Variants in VSNL1 observed in about 807,000 individuals in gnomAD.
VSNL1 encodes visinin-like protein 1.
A neutral mutation model predicts 20.4 loss-of-function variants in VSNL1; 6 were observed. The observed-to-expected ratio is 0.29, with a 90% confidence interval of 0.16 to 0.58. VSNL1 has a LOEUF of 0.58. Ranked by LOEUF, VSNL1 falls within the 20% of genes least tolerant of loss-of-function variation. The pLI is 0.90. For synonymous variants in VSNL1, 93 were observed against 86.4 expected (o/e 1.08, Z -0.42); for missense variants, 100 against 234.5 (o/e 0.43, Z 3.75).
intron 3 of VSNL1, among the ~76,000 whole-genome samples, chr2:17,653,187 G>A (rs1026505469): frequency 3.3e-5 from 5 of 152,236 alleles, no homozygotes; most frequent in African/African-American, 1.2e-4. Context: ...ATCTGAAACG[G>A]CCCTTCTTGG....
rs574590367 is a variant in VSNL1, at chr2:17,563,678, C to T, written c.-6+22760C>T. On this transcript the variant is annotated intron_variant, in intron 1 of 3. Coordinates refer to ENST00000295156, the MANE Select transcript of VSNL1 (RefSeq NM_003385.5). ...TCAGGAGGCGGAGGTTGCAGTGAGC[C>T]GAGATCGCACCACTGCACTCCAGCC... 5.1e-4 allele frequency among the ~76,000 whole-genome samples: 78 copies of T among 151,914 alleles called. 1 individual carries two copies. The highest frequency in any genetic ancestry group is 1.7e-3 in the African/African-American group (71 of 41,428).
chr2:17,626,171 C>T (rs1219274292), intron 2 of VSNL1, among the ~76,000 whole-genome samples: 1 of 152,150 alleles, frequency 6.6e-6, no homozygotes, highest in Non-Finnish European at 1.5e-5. Flanking sequence ...TGAGGGCTAG[C>T]CATGACCCCA....
chr2:17,561,573 G>T (rs1001673643), intron 1 of VSNL1, among the ~76,000 whole-genome samples: 7 of 152,196 alleles, frequency 4.6e-5, no homozygotes, highest in Admixed American at 4.6e-4. Context: ...GAAAGGAAGT[G>T]ATTTGATCGG....
Position 17,655,133 on chromosome 2 carries a change from CAAG to C in VSNL1, c.379-59_379-57del, listed in dbSNP as rs555274109. 278 of 1,537,798 alleles carry C rather than the reference CAAG, an allele frequency of 1.8e-4. No homozygotes were observed. Among genetic ancestry groups the C allele is most frequent in the Non-Finnish European group, 2.4e-4 (265 of 1,120,810 alleles). On this transcript the variant is annotated intron_variant, in intron 3 of 3. Coordinates refer to ENST00000295156, the MANE Select transcript of VSNL1 (RefSeq NM_003385.5). This position sits in a 1 kb window ranked among gnomAD's most constrained non-coding sequence, Gnocchi z 5.2. ...GGGATCCCGTCAGGTGAAAGGGAGG[CAAG>C]AAGAGCTCTCTGTCCTCCTGGGTTT...
At chr2:17,639,678 T>G (rs765984542) in intron 2 of VSNL1, among the ~76,000 whole-genome samples, 3 of 152,202 alleles carry the variant, frequency 2.0e-5, no homozygotes, top group Admixed American at 6.5e-5. Context: ...ACAACAATAA[T>G]AATAGCATCT....
chr2:17,583,853 T>C (rs558597988), intron 1 of VSNL1, among the ~76,000 whole-genome samples: 88 of 152,314 alleles, frequency 5.8e-4, no homozygotes, highest in African/African-American at 2.1e-3. Flanking sequence ...GTATTGAGGT[T>C]AGGATGACTC....
chr2:17,619,156 C>CGAAAAGAA (rs1344244248), intron 2 of VSNL1, among the ~76,000 whole-genome samples: 24 of 152,336 alleles, frequency 1.6e-4, no homozygotes, highest in African/African-American at 5.5e-4. Context: ...AGGATACCAC[C>CGAAAAGAA]AGTGCCCAAA....
chr2:17,575,889 A>C (rs1664201435), intron 1 of VSNL1, among the ~76,000 whole-genome samples: 1 of 152,232 alleles, frequency 6.6e-6, no homozygotes, highest in Admixed American at 6.5e-5. Context: ...AGTTAATATG[A>C]TAACCTATAA....
chr2:17,618,773 G>T (rs1328832761), intron 2 of VSNL1, among the ~76,000 whole-genome samples: 1 of 152,146 alleles, frequency 6.6e-6, no homozygotes, highest in African/African-American at 2.4e-5. Context: ...AGCTCTACAA[G>T]GATGCCTTAA....
intron 1 of VSNL1, among the ~76,000 whole-genome samples, chr2:17,555,835 T>C (rs1396392988): frequency 1.3e-5 from 2 of 152,152 alleles, no homozygotes; most frequent in Non-Finnish European, 2.9e-5. Context: ...CTCTTAACCA[T>C]AGGATTTTTT....
intron 1 of VSNL1, among the ~76,000 whole-genome samples, chr2:17,557,507 T>C (rs541993467): frequency 1.3e-5 from 2 of 152,280 alleles, no homozygotes; most frequent in South Asian, 4.1e-4. Context: ...ATAGTAATGC[T>C]GTAAGAAAGT....
chr2:17,547,040 T>C (rs1172675223), intron 1 of VSNL1, among the ~76,000 whole-genome samples: 1 of 152,062 alleles, frequency 6.6e-6, no homozygotes, highest in Non-Finnish European at 1.5e-5. Context: ...CACTAAACTA[T>C]TAGTCTTTCC....
chr2:17,589,564 C>A (rs1664552501), intron 1 of VSNL1, among the ~76,000 whole-genome samples: 1 of 152,176 alleles, frequency 6.6e-6, no homozygotes, highest in Admixed American at 6.5e-5. Context: ...GTGATTCAAC[C>A]ATTGCCCAAC....
At chr2:17,579,975 G>C (rs1305360364) in intron 1 of VSNL1, among the ~76,000 whole-genome samples, 1 of 152,106 alleles carries the variant, frequency 6.6e-6, no homozygotes, top group Admixed American at 6.5e-5. Flanking sequence ...AGTTGTGATC[G>C]GGAGACACAG....
intron 2 of VSNL1, among the ~76,000 whole-genome samples, chr2:17,631,134 A>G (rs1399912230): frequency 1.3e-5 from 2 of 152,304 alleles, no homozygotes; most frequent in East Asian, 3.9e-4. Flanking sequence ...TAAATCTTAT[A>G]ACAATTGTCT....
At chr2:17,600,185 A>G (rs1664792777) in intron 2 of VSNL1, among the ~76,000 whole-genome samples, 1 of 152,208 alleles carries the variant, frequency 6.6e-6, no homozygotes, top group Admixed American at 6.5e-5. Flanking sequence ...CAGTGTGAAT[A>G]TGGGAAAGTC....
intron 1 of VSNL1, among the ~76,000 whole-genome samples, chr2:17,574,883 C>T (rs1380311534): frequency 1.3e-5 from 2 of 152,218 alleles, no homozygotes; most frequent in Non-Finnish European, 2.9e-5. Flanking sequence ...CCTCCTTCCT[C>T]AGCCTCCCAA....
At chr2:17,647,076 C>T (rs144599720) in intron 2 of VSNL1, among the ~76,000 whole-genome samples, 1 of 152,296 alleles carries the variant, frequency 6.6e-6, no homozygotes, top group African/African-American at 2.4e-5. Flanking sequence ...AGTATATAGA[C>T]CTTCTGCAAG....
intron 1 of VSNL1, among the ~76,000 whole-genome samples, chr2:17,555,441 T>C (rs1367033038): frequency 2.0e-5 from 3 of 152,182 alleles, no homozygotes; most frequent in Admixed American, 6.5e-5. Flanking sequence ...GCTTTGCCTG[T>C]ATGATCATTG....
Sources: allele counts gnomAD v4.1 joint callset (sites outside exome capture counted in the v4.1 genomes callset), GRCh38; gene constraint gnomAD v4.1.1; non-coding constraint Gnocchi (gnomAD v3.1); transcripts MANE v1.5; gene names NCBI Gene and HGNC (gene_info 2026-07-23, HGNC 2026-07-21).